LARS2: variants seen among roughly 807,000 people sequenced by gnomAD.
The protein encoded by LARS2 is leucyl-tRNA synthetase 2, mitochondrial.
LARS2 carries 81 observed loss-of-function variants against 116.6 expected under a neutral mutation model. That is an observed-to-expected ratio of 0.69 (90% CI 0.58 to 0.84). The LOEUF is 0.84. Ranked by LOEUF, LARS2 falls within the 40% of genes least tolerant of loss-of-function variation. The pLI is 0.00. For missense variants in LARS2, 968 were observed against 1,114.5 expected (o/e 0.87, Z 1.87); for synonymous variants, 396 against 407.2 (o/e 0.97, Z 0.33).
At chr3:45,449,858 C>T (rs1161544860) in intron 7 of LARS2, among the ~76,000 whole-genome samples, 3 of 152,164 alleles carry the variant, frequency 2.0e-5, no homozygotes, top group African/African-American at 7.2e-5. Context: ...TTGAGCAGAG[C>T]ATTACTAAAC....
At chr3:45,517,527 C>T (rs1483627032) in intron 17 of LARS2, among the ~76,000 whole-genome samples, 1 of 152,220 alleles carries the variant, frequency 6.6e-6, no homozygotes, top group African/African-American at 2.4e-5. Flanking sequence ...CAGCAGGAGT[C>T]AGCACTGTCT....
chr3:45,545,514 C>T (rs1029959862), intron 21 of LARS2, among the ~76,000 whole-genome samples: 2 of 152,198 alleles, frequency 1.3e-5, no homozygotes, highest in African/African-American at 4.8e-5. Context: ...GCGCTTTATG[C>T]CAGAGACAGG....
At chr3:45,433,957 T>A (rs1698762231) in intron 6 of LARS2, among the ~76,000 whole-genome samples, 1 of 152,198 alleles carries the variant, frequency 6.6e-6, no homozygotes, top group Non-Finnish European at 1.5e-5. Context: ...AAATCTGCTG[T>A]CTTTGAATTT....
intron 6 of LARS2, among the ~76,000 whole-genome samples, chr3:45,423,224 A>G (rs919730306): frequency 5.9e-5 from 9 of 152,032 alleles, no homozygotes. Context: ...AACATTTCCC[A>G]TTTTCTAAAT....
At chr3:45,461,067 A>G (rs140230440) in intron 8 of LARS2, among the ~76,000 whole-genome samples, 1 of 152,322 alleles carries the variant, frequency 6.6e-6, no homozygotes, top group African/African-American at 2.4e-5. Context: ...TTCCAATAGA[A>G]ATAGATCCTG....
chr3:45,421,546 T>C (rs1272672957), intron 6 of LARS2: 1 of 152,164 alleles, frequency 6.6e-6, no homozygotes, highest in African/African-American at 2.4e-5. Flanking sequence ...TATTATCTCT[T>C]TGGATCCCTA....
At chr3:45,429,212 G>A (rs939314260) in intron 6 of LARS2, among the ~76,000 whole-genome samples, 2 of 152,224 alleles carry the variant, frequency 1.3e-5, no homozygotes, top group Admixed American at 6.5e-5. Context: ...TAGGTCAGAA[G>A]TTTGGGTGAG....
chr3:45,542,065 C>G, intron 21 of LARS2, 109 bp downstream of exon 21: 2 of 1,375,264 alleles, frequency 1.5e-6, no homozygotes, highest in Non-Finnish European at 2.0e-6. Flanking sequence ...CTAGCTCACT[C>G]AGCTCAGCCC....
chr3:45,459,463 A>C (rs980725625), intron 8 of LARS2, among the ~76,000 whole-genome samples: 2 of 152,244 alleles, frequency 1.3e-5, no homozygotes, highest in Admixed American at 1.3e-4. Context: ...CAGGCGCTAA[A>C]GCTTGATAAA....
chr3:45,418,372 G>A (rs1415364433), intron 5 of LARS2, among the ~76,000 whole-genome samples: 1 of 152,096 alleles, frequency 6.6e-6, no homozygotes, highest in Non-Finnish European at 1.5e-5. Context: ...TGGCATCCAG[G>A]TCTCTTTTTT....
chr3:45,471,273 A>T (rs1043781396), intron 8 of LARS2, among the ~76,000 whole-genome samples: 1 of 152,198 alleles, frequency 6.6e-6, no homozygotes, highest in African/African-American at 2.4e-5. Flanking sequence ...TGTGTTTATT[A>T]TACAGTGGGG....
At chr3:45,505,990 A>G (rs929910286) in intron 15 of LARS2, among the ~76,000 whole-genome samples, 1 of 152,090 alleles carries the variant, frequency 6.6e-6, no homozygotes, top group Non-Finnish European at 1.5e-5. Flanking sequence ...TTTTCACTCA[A>G]ATGCATTGCC....
At chr3:45,415,893 G>A (rs56954401) in intron 4 of LARS2, among the ~76,000 whole-genome samples, 26,629 of 69,442 alleles carry the variant, frequency 0.38, 3,316 homozygotes, top group Non-Finnish European at 0.44. Context: ...AGAGAGAGAG[G>A]GAGAGAGAGA....
chr3:45,462,082 G>A (rs1048455244), intron 8 of LARS2, among the ~76,000 whole-genome samples: 2 of 152,202 alleles, frequency 1.3e-5, no homozygotes, highest in African/African-American at 4.8e-5. Context: ...GAATCAGTTA[G>A]TAATGCTTTC....
At chr3:45,429,256 C>T (rs994298373) in intron 6 of LARS2, among the ~76,000 whole-genome samples, 1 of 152,128 alleles carries the variant, frequency 6.6e-6, no homozygotes, top group African/African-American at 2.4e-5. Flanking sequence ...TCTTACAAGG[C>T]CAAAATCAAG....
At chr3:45,500,391 A>G in intron 14 of LARS2, 51 bp from the exon 15 acceptor site, 1 of 1,574,090 alleles carries the variant, frequency 6.4e-7, no homozygotes, top group African/African-American at 1.4e-5. Context: ...TTTAATTTAC[A>G]CAATTGTGGC....
At chr3:45,414,932 G>T (rs1698390157) in intron 4 of LARS2, among the ~76,000 whole-genome samples, 1 of 152,166 alleles carries the variant, frequency 6.6e-6, no homozygotes, top group African/African-American at 2.4e-5. Context: ...TCAGAGAATG[G>T]TAGGGGACTG....
chr3:45,424,419 T>C (rs995077355), intron 6 of LARS2, among the ~76,000 whole-genome samples: 8 of 152,234 alleles, frequency 5.3e-5, no homozygotes, highest in Non-Finnish European at 1.2e-4. Context: ...TGGTGTTCTA[T>C]TGAATGTGTA....
intron 1 of LARS2, among the ~76,000 whole-genome samples, chr3:45,390,628 A>C (rs1697924436): frequency 7.9e-6 from 1 of 126,356 alleles, no homozygotes; most frequent in African/African-American, 3.0e-5. Context: ...GCCCATTTTT[A>C]TTTTTATTAT....
Sources: gnomAD v4.1 joint callset for allele counts (sites outside exome capture counted in the v4.1 genomes callset) on GRCh38, gnomAD v4.1.1 for gene constraint, MANE v1.5 for transcripts, NCBI Gene and HGNC (gene_info 2026-07-23, HGNC 2026-07-21) for gene names.